NACC2: variants seen among roughly 807,000 people sequenced by gnomAD.
NACC2 encodes NACC family member 2, also known as nucleus accumbens-associated protein 2.
A neutral mutation model predicts 25.1 loss-of-function variants in NACC2; 8 were observed. That is an observed-to-expected ratio of 0.32 (90% CI 0.19 to 0.57). The LOEUF (loss-of-function observed/expected upper bound fraction) is 0.57. Among genes scored for constraint, NACC2 ranks in the 20% least tolerant of loss-of-function variants. The pLI is 0.89. For missense variants in NACC2, 644 were observed against 650.2 expected (o/e 0.99, Z 0.10); for synonymous variants, 435 against 294.7 (o/e 1.48, Z -4.88).
At position 136,020,194 on chromosome 9, in the gene NACC2, A is replaced by G. The variant is rs917536210; in HGVS notation, c.887-3765T>C. On this transcript the variant is annotated intron_variant, in intron 2 of 5. Transcript: ENST00000277554. The surrounding 1 kb of genome is among the most constrained non-coding windows in gnomAD (Gnocchi z 4.7). ...CAATAACAACGCTCAGAAAGAACAAATGAACGAACGTCAGAAGGAGGGGGC... is the reference window on the plus strand; with the variant it reads ...CAATAACAACGCTCAGAAAGAACAAGTGAACGAACGTCAGAAGGAGGGGGC... Among the ~76,000 whole-genome samples the G allele has an allele frequency of 2.6e-5, 4 of 152,122 alleles. No homozygotes were observed. The highest frequency in any genetic ancestry group is 6.5e-5 in the Admixed American group (1 of 15,278).
chr9:136,093,363 G>C (rs567284612), intron 1 of NACC2, among the ~76,000 whole-genome samples: 1 of 152,314 alleles, frequency 6.6e-6, no homozygotes, highest in East Asian at 1.9e-4. Flanking sequence ...CCCCTGCCCA[G>C]GGCAGAGCAG....
chr9:136,035,739 G>T (rs1260708551), intron 2 of NACC2, among the ~76,000 whole-genome samples: 1 of 151,468 alleles, frequency 6.6e-6, no homozygotes, highest in Non-Finnish European at 1.5e-5. Context: ...TCAGCCTTTT[G>T]ATGTAAAGGG....
intron 1 of NACC2, among the ~76,000 whole-genome samples, chr9:136,058,404 G>A (rs866189077): frequency 2.6e-5 from 4 of 152,236 alleles, no homozygotes; most frequent in African/African-American, 9.6e-5. Context: ...GGTGTCCGGC[G>A]GAAGCAGCAG....
chr9:136,045,817 T>C (rs1425424161), intron 2 of NACC2, among the ~76,000 whole-genome samples: 13 of 152,160 alleles, frequency 8.5e-5, no homozygotes, highest in Admixed American at 7.2e-4. Context: ...TCTCGGCTGT[T>C]GCAGGGACCT....
chr9:136,066,763 A>C (rs991199568), intron 1 of NACC2, among the ~76,000 whole-genome samples: 27 of 152,210 alleles, frequency 1.8e-4, no homozygotes, highest in African/African-American at 6.5e-4. Context: ...TGGGTAAGTA[A>C]AATGTGGAAT....
chr9:136,054,854 G>T (rs1840900709), intron 1 of NACC2, among the ~76,000 whole-genome samples: 1 of 152,076 alleles, frequency 6.6e-6, no homozygotes, highest in African/African-American at 2.4e-5. Flanking sequence ...CAGGGTTGTG[G>T]CACCAACGAC....
intron 2 of NACC2, among the ~76,000 whole-genome samples, chr9:136,025,615 A>C (rs79926189): frequency 2.1e-5 from 3 of 143,534 alleles, no homozygotes; most frequent in African/African-American, 7.6e-5. Flanking sequence ...AAGTCCTATT[A>C]AAAAAAAAAA....
chr9:136,047,263 C>T (rs1019737312), intron 2 of NACC2, among the ~76,000 whole-genome samples: 4 of 152,018 alleles, frequency 2.6e-5, no homozygotes, highest in Non-Finnish European at 5.9e-5. Context: ...CCAGGTCAGG[C>T]GACGGCCCCT....
chr9:136,049,767 C>G lies in NACC2; in HGVS notation c.755G>C (p.Ser252Thr). The G allele has an allele frequency of 1.3e-6, 1 of 776,602 alleles. No homozygotes were observed. The allele number at this position is 776,602 out of a possible 1,614,324, so 48.1% of individuals were successfully genotyped here. A position where few individuals can be genotyped will look rare whatever the true frequency, so the allele number is the denominator to read the frequency against. ...PQGERTSPGA[S>T]SLPTTDSPTS... is the part of the protein sequence containing the mutation. ...GGGGCTGTCGGTGGTGGGCAGGCTGCTGGCGCCTGGACTGGTCCGCTCCCC... is the reference window on the plus strand; with the variant it reads ...GGGGCTGTCGGTGGTGGGCAGGCTGGTGGCGCCTGGACTGGTCCGCTCCCC... Residue 252 changes from serine to threonine, a missense_variant, in exon 2 of 6, where the codon AGC (serine) becomes ACC (threonine). Physicochemically the swap from Ser to Thr is moderately conservative, Grantham distance 58. Coordinates refer to ENST00000277554, the MANE Select transcript of NACC2 (RefSeq NM_144653.5).
chr9:136,023,981 G>A (rs967764531), intron 2 of NACC2, among the ~76,000 whole-genome samples: 3 of 152,220 alleles, frequency 2.0e-5, no homozygotes, highest in African/African-American at 4.8e-5. Flanking sequence ...GTGCACATGC[G>A]TCAGACATGG....
chr9:136,029,447 G>A (rs538850954), intron 2 of NACC2, among the ~76,000 whole-genome samples: 16 of 152,320 alleles, frequency 1.1e-4, no homozygotes, highest in Middle Eastern at 3.4e-3. Context: ...TCCTGGATGC[G>A]GAACAAGAAC....
In NACC2 at chr9:136,088,266, C is replaced by A. The variant is rs143155060; in HGVS notation, c.-60+6923G>T. Among the ~76,000 whole-genome samples, 1,447 of 152,262 alleles carry A rather than the reference C, an allele frequency of 9.5e-3. 21 individuals are homozygous for A. Among genetic ancestry groups the A allele is most frequent in the African/African-American group, 0.032 (1,347 of 41,540 alleles). On this transcript the variant is annotated intron_variant, in intron 1 of 5. Transcript: ENST00000277554. ...CTTCAATCTGGGAACTGTACCACTG[C>A]CCACATCAGGCCCAGATGGAAGGGA...
At chr9:136,041,463 A>G (rs1156990610) in intron 2 of NACC2, among the ~76,000 whole-genome samples, 1 of 152,090 alleles carries the variant, frequency 6.6e-6, no homozygotes, top group Non-Finnish European at 1.5e-5. Flanking sequence ...GCATTGACCT[A>G]TTCTTCAACA....
intron 2 of NACC2, 123 bp downstream of exon 2, chr9:136,049,513 C>G (rs1293458132): frequency 1.6e-6 from 1 of 611,402 alleles, no homozygotes; most frequent in East Asian, 2.8e-5. Flanking sequence ...CTCCTCCAGG[C>G]TTGGTGGGGG....
In NACC2 at chr9:136,077,887, G is replaced by A. The variant is rs534029184; in HGVS notation, c.-60+17302C>T. ...TATACGCAAAGGTGTGCCTTTGGGAGTGAAAACCACGTAAATAATATCAGT... is the reference window on the plus strand; with the variant it reads ...TATACGCAAAGGTGTGCCTTTGGGAATGAAAACCACGTAAATAATATCAGT... On this transcript the variant is annotated intron_variant, in intron 1 of 5. Transcript: ENST00000277554. Among the ~76,000 whole-genome samples the A allele has an allele frequency of 5.9e-5, 9 of 152,384 alleles. No homozygotes were observed. In the East Asian group the frequency reaches 1.7e-3, roughly 29 times the overall value.
chr9:136,085,300 C>A (rs1830367546), intron 1 of NACC2, among the ~76,000 whole-genome samples: 1 of 150,808 alleles, frequency 6.6e-6, no homozygotes, highest in African/African-American at 2.4e-5. Context: ...CAGGTGTGAA[C>A]CACTGTGCCC....
At chr9:136,068,841 A>ATCT (rs1362369739) in intron 1 of NACC2, among the ~76,000 whole-genome samples, 1 of 151,846 alleles carries the variant, frequency 6.6e-6, no homozygotes, top group Non-Finnish European at 1.5e-5. Context: ...ATAGGAGACA[A>ATCT]GGCCTCAGTA....
At chr9:136,026,660 G>A (rs190168410) in intron 2 of NACC2, among the ~76,000 whole-genome samples, 31 of 152,352 alleles carry the variant, frequency 2.0e-4, no homozygotes, top group African/African-American at 6.0e-4. Flanking sequence ...ACAAAGGCAC[G>A]TCTAGTGGTG....
chr9:136,070,454 C>T (rs1841136332), intron 1 of NACC2, among the ~76,000 whole-genome samples: 1 of 151,876 alleles, frequency 6.6e-6, no homozygotes, highest in African/African-American at 2.4e-5. Flanking sequence ...TTGCAGTGAG[C>T]CGAGATCGCG....
Sources: gnomAD v4.1 joint callset for allele counts (sites outside exome capture counted in the v4.1 genomes callset) on GRCh38, gnomAD v4.1.1 for gene constraint, Gnocchi (gnomAD v3.1) non-coding constraint, MANE v1.5 for transcripts, NCBI Gene and HGNC (gene_info 2026-07-23, HGNC 2026-07-21) for gene names.